The following LTN1 variants were observed in gnomAD, a reference collection of about 807,000 sequenced individuals.
LTN1 encodes E3 ubiquitin-protein ligase listerin.
Under a neutral mutation model 201.2 loss-of-function variants are expected in LTN1, and 88 were observed. The observed-to-expected ratio is 0.44, with a 90% CI of 0.37 to 0.52. The LOEUF is 0.52. Among genes scored for constraint, LTN1 ranks in the 20% least tolerant of loss-of-function variants. The pLI is 0.00. For missense variants in LTN1, 1,752 were observed against 2,038.7 expected, an observed-to-expected ratio of 0.86 and a Z score of 2.71; for synonymous variants, 645 against 713.5, an observed-to-expected ratio of 0.90 and a Z score of 1.53.
chr21:28,940,033 T>A (rs1170274336), intron 25 of LTN1, among the ~76,000 whole-genome samples: 1 of 152,194 alleles, frequency 6.6e-6, no homozygotes, highest in Non-Finnish European at 1.5e-5. Flanking sequence ...AAATTATAAT[T>A]TAAAAATTCC....
At chr21:28,964,364 C>T (rs1256119682) in intron 11 of LTN1, among the ~76,000 whole-genome samples, 1 of 152,212 alleles carries the variant, frequency 6.6e-6, no homozygotes, top group Non-Finnish European at 1.5e-5. Context: ...GACTCTCCAT[C>T]AGCAAAATGA....
At chr21:28,940,349 G>C (rs2084287704) in intron 25 of LTN1, among the ~76,000 whole-genome samples, 1 of 152,120 alleles carries the variant, frequency 6.6e-6, no homozygotes, top group Non-Finnish European at 1.5e-5. Context: ...TCTTGGACAA[G>C]GTCTTACTTC....
intron 19 of LTN1, among the ~76,000 whole-genome samples, chr21:28,946,886 C>T (rs1322608120): frequency 6.6e-6 from 1 of 152,166 alleles, no homozygotes; most frequent in Admixed American, 6.5e-5. Context: ...CCTTCCCCAA[C>T]TATGTCCATA....
intron 1 of LTN1, among the ~76,000 whole-genome samples, 193 bp from the exon 2 acceptor site, chr21:28,987,127 T>C (rs1460283362): frequency 6.6e-6 from 1 of 152,206 alleles, no homozygotes; most frequent in African/African-American, 2.4e-5. Flanking sequence ...TCAATACTGA[T>C]CCTAGAAATT....
chr21:28,934,661 T>C (rs1020641373), intron 27 of LTN1, among the ~76,000 whole-genome samples: 6 of 152,186 alleles, frequency 3.9e-5, no homozygotes, highest in Admixed American at 3.9e-4. Flanking sequence ...TTCACCATGT[T>C]GCCCAGGCTG....
rs1028873036 is a variant in LTN1, at chr21:28,930,009, G to A, written c.*439C>T. On this transcript the variant is annotated 3_prime_UTR_variant, in exon 30 of 30. Transcript: ENST00000361371. The stretch of plus-strand genomic sequence containing the variant: ...TTTATTGTCATAACTAATAAATAAG[G>A]CTTAAAATATCTATAGATGTAAATC... The A allele has an allele frequency of 1.3e-5, 2 of 152,604 alleles. No homozygotes were observed. The highest frequency in any genetic ancestry group is 4.8e-5 in the African/African-American group (2 of 41,378). 9.5% of individuals were successfully genotyped at this position (152,604 alleles called of 1,614,324 possible).
At chr21:28,944,027 C>T (rs949709267) in intron 22 of LTN1, 123 bp from the exon 23 acceptor site, 4 of 673,742 alleles carry the variant, frequency 5.9e-6, no homozygotes, top group Non-Finnish European at 1.0e-5. Flanking sequence ...AACAATAAAG[C>T]AGTCTTAACT....
At chr21:28,930,620 G>T in intron 29 of LTN1, 110 bp from the exon 30 acceptor site, 1 of 663,790 alleles carries the variant, frequency 1.5e-6, no homozygotes, top group Non-Finnish European at 2.5e-6. Context: ...AAAGTGAAAA[G>T]GGAAGAACAA....
intron 1 of LTN1, among the ~76,000 whole-genome samples, chr21:28,988,608 CTG>C (rs1364326994): frequency 1.3e-5 from 2 of 152,084 alleles, no homozygotes; most frequent in East Asian, 3.9e-4. Flanking sequence ...TGTTTTCAAT[CTG>C]TAGCATTTAA....
Position 28,968,339 on chromosome 21 carries a change from TAGGACCCAC to T in LTN1, c.1311+1118_1311+1126del, listed in dbSNP as rs200457655. 5.2e-3 allele frequency among the ~76,000 whole-genome samples: 794 copies of T among 152,324 alleles called. 5 individuals are homozygous for T. Among genetic ancestry groups the T allele is most frequent in the African/African-American group, 0.018 (758 of 41,568 alleles). On this transcript the variant is annotated intron_variant, in intron 9 of 29. Coordinates refer to ENST00000361371, the MANE Select transcript of LTN1 (RefSeq NM_015565.3). Reference sequence around the variant, plus strand: ...ACTATAAGTCAACATGAAAGATACCTAGGACCCACAGAGTGCGGAATCCTATTTCCTAAA... The same window carrying T: ...ACTATAAGTCAACATGAAAGATACCTAGAGTGCGGAATCCTATTTCCTAAA...
intron 17 of LTN1, 36 bp from the exon 18 acceptor site, chr21:28,952,300 G>A (rs2084389354): frequency 4.0e-6 from 5 of 1,237,042 alleles, no homozygotes; most frequent in Non-Finnish European, 5.8e-6. Flanking sequence ...ATTCCGTTTT[G>A]AAAGCATACT....
intron 25 of LTN1, among the ~76,000 whole-genome samples, chr21:28,938,280 G>T (rs1005459046): frequency 6.6e-6 from 1 of 152,098 alleles, no homozygotes; most frequent in Non-Finnish European, 1.5e-5. Flanking sequence ...GATCTTAGGA[G>T]ATATATGCTT....
rs141550176 is a variant in LTN1, at chr21:28,941,196, G to T, written c.4482+24C>A. The T allele has an allele frequency of 2.0e-4, 313 of 1,575,834 alleles. 3 individuals are homozygous for T. The East Asian group carries it at 4.4e-3, about 22-fold the overall frequency. On this transcript the variant is annotated intron_variant, in intron 25 of 29. Transcript: ENST00000361371. ...AGAAGCATATTAGGACAGAACTATC[G>T]AAAGTTGTCACATATTTATTTACCT...
At position 28,984,832 on chromosome 21, in the gene LTN1, T is replaced by A. The variant is rs1465168596; in HGVS notation, c.436A>T (p.Ser146Cys). Residue 146 changes from serine to cysteine, a missense_variant, in exon 4 of 30, where the codon AGT becomes TGT. Physicochemically the swap from Ser to Cys is moderately radical, Grantham distance 112 (BLOSUM62 -1). Around this residue, in one of 3 missense-constraint regions of LTN1, gnomAD observed 280 missense variants for 375.7 expected, o/e 0.75. Coordinates refer to ENST00000361371, the MANE Select transcript of LTN1 (RefSeq NM_015565.3). ...GCCATTAGCCAATATCCCATTAAAC[T>A]TTTTAAGTAGGGAGCCAACTGTTTC... is the stretch of plus-strand genomic sequence containing the variant. Reference protein sequence around the residue: ...VKKQLAPYLKSLMGYWLMAQC... With the variant: ...VKKQLAPYLKCLMGYWLMAQC... 2 of 1,614,010 alleles carry A rather than the reference T, an allele frequency of 1.2e-6. No individual in the cohort carries two copies. Among genetic ancestry groups the A allele is most frequent in the Admixed American group, 1.7e-5 (1 of 59,994 alleles).
At chr21:28,966,133 T>C (rs1198334175) in intron 10 of LTN1, among the ~76,000 whole-genome samples, 3 of 152,216 alleles carry the variant, frequency 2.0e-5, no homozygotes, top group African/African-American at 2.4e-5. Flanking sequence ...AATGTTCTTA[T>C]CCAACTTTTT....
At chr21:28,942,477 C>A (rs145670606) in intron 24 of LTN1, among the ~76,000 whole-genome samples, 1 of 152,160 alleles carries the variant, frequency 6.6e-6, no homozygotes, top group African/African-American at 2.4e-5. Context: ...TTCTGGCCTA[C>A]AGCATTCTAG....
chr21:28,960,934 C>T (rs1210916283), intron 11 of LTN1: 1 of 329,628 alleles, frequency 3.0e-6, no homozygotes, highest in Admixed American at 5.0e-5. Context: ...CATAAATATT[C>T]CCCCACCCCC....
chr21:28,938,339 G>GTTGC (rs1396138286), intron 25 of LTN1, among the ~76,000 whole-genome samples: 136 of 152,228 alleles, frequency 8.9e-4, no homozygotes, highest in African/African-American at 3.1e-3. Flanking sequence ...CTTTCAAGTA[G>GTTGC]ATCAGCAGAA....
At chr21:28,958,267 T>C in intron 14 of LTN1, 119 bp downstream of exon 14, 2 of 928,036 alleles carry the variant, frequency 2.2e-6, no homozygotes, top group Non-Finnish European at 1.6e-6. Flanking sequence ...GTAGCTGGGA[T>C]TATAGGGACG....
Sources: allele counts gnomAD v4.1 joint callset (sites outside exome capture counted in the v4.1 genomes callset), GRCh38; gene constraint gnomAD v4.1.1; regional missense constraint gnomAD v4.1.1; transcripts MANE v1.5; gene names NCBI Gene and HGNC (gene_info 2026-07-23, HGNC 2026-07-21).